Variants in STAU2 observed in about 807,000 individuals in gnomAD.
STAU2 encodes staufen double-stranded RNA binding protein 2, also known as double-stranded RNA-binding protein Staufen homolog 2.
A neutral mutation model predicts 65.9 loss-of-function variants in STAU2; 20 were observed. The ratio of observed to expected loss-of-function variants is 0.30; its 90% CI spans 0.21 to 0.44. The LOEUF is 0.44. STAU2 is among the 20% of genes least tolerant of loss of function. STAU2 has a pLI of 1.00. For missense variants in STAU2, 558 were observed against 683.9 expected (o/e 0.82, Z 2.05); for synonymous variants, 232 against 233.9 (o/e 0.99, Z 0.07).
At chr8:73,590,224 G>A (rs1810672706) in intron 11 of STAU2, among the ~76,000 whole-genome samples, 1 of 151,402 alleles carries the variant, frequency 6.6e-6, no homozygotes, top group African/African-American at 2.4e-5. Flanking sequence ...GGAGGAAGAA[G>A]GGTGGGAAAA....
intron 5 of STAU2, among the ~76,000 whole-genome samples, chr8:73,686,915 C>CAA (rs1818877313): frequency 6.9e-6 from 1 of 145,958 alleles, no homozygotes; most frequent in African/African-American, 2.5e-5. Flanking sequence ...TCTTTTGAGA[C>CAA]AGAGTCTTGC....
Position 73,564,048 on chromosome 8 carries a change from G to A in STAU2, c.1223-11729C>T, listed in dbSNP as rs566860273. 1.8e-4 allele frequency among the ~76,000 whole-genome samples: 27 copies of A among 152,234 alleles called. No homozygotes were observed. In the South Asian group the frequency reaches 5.6e-3, roughly 32 times the overall value. The stretch of plus-strand genomic sequence containing the variant: ...CACTTTACCCACACCACCCCCCTAA[G>A]TCAGCATAGCTTAGTGCCACATAGC... On this transcript the variant is annotated intron_variant, in intron 12 of 14. Transcript: ENST00000524300.
intron 3 of STAU2, among the ~76,000 whole-genome samples, chr8:73,731,327 C>A (rs1243922549): frequency 6.6e-6 from 1 of 152,164 alleles, no homozygotes; most frequent in Non-Finnish European, 1.5e-5. Flanking sequence ...GTACTCTGCC[C>A]TGTAATTCTA....
In STAU2 at chr8:73,599,494, T is replaced by C. The variant is rs948258373; in HGVS notation, c.1030-4197A>G. ...AAAAGTTGAATTGTTTTACCAGTTA[T>C]CATTTTACTTAAAAAAAAGTTAGAA... is the stretch of plus-strand genomic sequence containing the variant. On this transcript the variant is annotated intron_variant, in intron 10 of 14. Coordinates refer to ENST00000524300, the MANE Select transcript of STAU2 (RefSeq NM_001164380.2). Among the ~76,000 whole-genome samples the C allele has an allele frequency of 2.6e-5, 4 of 152,312 alleles. No individual in the cohort carries two copies. In the East Asian group the frequency reaches 5.8e-4, roughly 22 times the overall value.
intron 6 of STAU2, among the ~76,000 whole-genome samples, chr8:73,650,641 C>T (rs1026539786): frequency 6.6e-5 from 10 of 152,204 alleles, no homozygotes; most frequent in African/African-American, 2.4e-4. Flanking sequence ...GACGGTAATA[C>T]GTATTAGGAC....
rs1031981107 is a variant in STAU2, at chr8:73,737,417, C to T, written c.-18+867G>A. 1.5e-4 allele frequency among the ~76,000 whole-genome samples: 23 copies of T among 150,884 alleles called. 1 individual carries two copies. Among genetic ancestry groups the T allele is most frequent in the Non-Finnish European group, 5.9e-5 (4 of 67,750 alleles). ...GACTCCCGACCTCAGGTGATCTGCCCGCCTTGGCCTCCCAAAGTGCTGGGA... is the reference window on the plus strand; with the variant it reads ...GACTCCCGACCTCAGGTGATCTGCCTGCCTTGGCCTCCCAAAGTGCTGGGA... On this transcript the variant is annotated intron_variant, in intron 3 of 14. Coordinates refer to ENST00000524300, the MANE Select transcript of STAU2 (RefSeq NM_001164380.2).
chr8:73,747,161 C>T, upstream of STAU2: 5 of 498,222 alleles, frequency 1.0e-5, no homozygotes, highest in Non-Finnish European at 1.4e-5. Context: ...GGCCCCTGGG[C>T]GAGGGCCATT....
intron 6 of STAU2, among the ~76,000 whole-genome samples, chr8:73,658,133 G>A (rs1165925035): frequency 1.3e-5 from 2 of 152,166 alleles, no homozygotes; most frequent in African/African-American, 2.4e-5. Flanking sequence ...AGAGGCTGAG[G>A]TGGGCGAATC....
chr8:73,655,103 T>A (rs573449242), intron 6 of STAU2, among the ~76,000 whole-genome samples: 2 of 152,338 alleles, frequency 1.3e-5, no homozygotes, highest in African/African-American at 4.8e-5. Flanking sequence ...CAAATAAATC[T>A]ATGGCAGTAG....
chr8:73,437,738 A>G (rs1047861416), intron 13 of STAU2, among the ~76,000 whole-genome samples: 5 of 152,054 alleles, frequency 3.3e-5, no homozygotes, highest in Non-Finnish European at 5.9e-5. Context: ...TGGGGAGGGG[A>G]GGCTGGGCCT....
intron 6 of STAU2, among the ~76,000 whole-genome samples, chr8:73,638,275 A>C (rs960519035): frequency 1.3e-5 from 2 of 151,924 alleles, no homozygotes; most frequent in African/African-American, 4.8e-5. Context: ...GAGAACTTCT[A>C]CAATAAGAAA....
At chr8:73,745,973 T>C (rs1227027739) in intron 1 of STAU2, among the ~76,000 whole-genome samples, 1 of 149,386 alleles carries the variant, frequency 6.7e-6, no homozygotes, top group Non-Finnish European at 1.5e-5. Context: ...CCGAAGAGAC[T>C]AGAGTTCCTG....
chr8:73,426,022 G>A (rs1816795367), intron 13 of STAU2, among the ~76,000 whole-genome samples: 2 of 152,116 alleles, frequency 1.3e-5, no homozygotes, highest in South Asian at 4.1e-4. Flanking sequence ...TGAACTCCTA[G>A]CCTCAAGTGA....
intron 6 of STAU2, among the ~76,000 whole-genome samples, chr8:73,664,049 G>A (rs1018739605): frequency 8.5e-5 from 13 of 152,100 alleles, no homozygotes; most frequent in Non-Finnish European, 1.2e-4. Context: ...CAAGTATAAT[G>A]TGGGGTTCTT....
chr8:73,528,998 C>T (rs1031210238), intron 13 of STAU2, among the ~76,000 whole-genome samples: 2 of 152,060 alleles, frequency 1.3e-5, no homozygotes, highest in African/African-American at 4.8e-5. Flanking sequence ...ATCATTTTCC[C>T]TGGAGGTAGG....
At chr8:73,471,655 C>T (rs1820024054) in intron 13 of STAU2, among the ~76,000 whole-genome samples, 2 of 151,378 alleles carry the variant, frequency 1.3e-5, no homozygotes, top group Admixed American at 1.3e-4. Flanking sequence ...CCTGTCTCTA[C>T]TAAAAATACA....
chr8:73,510,761 G>A (rs1015418934), intron 13 of STAU2, among the ~76,000 whole-genome samples: 6 of 152,298 alleles, frequency 3.9e-5, no homozygotes, highest in African/African-American at 1.4e-4. Context: ...CTCACATCAT[G>A]AGAACAGGAT....
At chr8:73,578,184 C>T (rs1011861728) in intron 12 of STAU2, among the ~76,000 whole-genome samples, 3 of 152,010 alleles carry the variant, frequency 2.0e-5, no homozygotes, top group African/African-American at 4.8e-5. Context: ...ATGAGCCAAG[C>T]GAGTTTTTAA....
chr8:73,658,696 C>T (rs769793286), intron 6 of STAU2, among the ~76,000 whole-genome samples: 3 of 151,710 alleles, frequency 2.0e-5, no homozygotes, highest in Non-Finnish European at 2.9e-5. Context: ...GGGTGAATCA[C>T]GAGGTCAGGA....
Sources: allele counts gnomAD v4.1 joint callset (sites outside exome capture counted in the v4.1 genomes callset), GRCh38; gene constraint gnomAD v4.1.1; transcripts MANE v1.5; gene names NCBI Gene and HGNC (gene_info 2026-07-23, HGNC 2026-07-21).